The following GRID1 variants were observed in gnomAD, a reference collection of about 807,000 sequenced individuals.
GRID1 encodes glutamate receptor ionotropic, delta-1.
GRID1 carries 28 observed loss-of-function variants against 98.0 expected under a neutral mutation model. The observed-to-expected ratio is 0.29, with a 90% CI of 0.21 to 0.39. The LOEUF (loss-of-function observed/expected upper bound fraction) is 0.39, where lower values mean the gene tolerates loss of function less well. Among genes scored for constraint, GRID1 ranks in the 10% least tolerant of loss-of-function variants. The probability of loss-of-function intolerance (pLI) is 1.00; values close to 1 mark genes in which losing one functional copy is unlikely to be tolerated. For synonymous variants in GRID1, 553 were observed against 538.5 expected (o/e 1.03, Z -0.37); for missense variants, 1,111 against 1,340.5 (o/e 0.83, Z 2.67).
At chr10:86,180,866 T>C (rs1049629622) in intron 3 of GRID1, among the ~76,000 whole-genome samples, 1 of 152,166 alleles carries the variant, frequency 6.6e-6, no homozygotes, top group Non-Finnish European at 1.5e-5. Context: ...GGGAGACCAG[T>C]GCCAGACCAG....
chr10:86,283,991 A>G (rs1310686894), intron 2 of GRID1, among the ~76,000 whole-genome samples: 2 of 130,262 alleles, frequency 1.5e-5, no homozygotes, highest in Non-Finnish European at 3.3e-5. Flanking sequence ...CACACACACC[A>G]GCCCATACAC....
chr10:85,754,785 T>G (rs936038075), intron 8 of GRID1, among the ~76,000 whole-genome samples: 12 of 152,194 alleles, frequency 7.9e-5, no homozygotes, highest in African/African-American at 2.7e-4. Context: ...TTCCTCCCCT[T>G]GCAGACTGTG....
chr10:85,702,501 T>C (rs746967296), intron 12 of GRID1, among the ~76,000 whole-genome samples: 4 of 151,992 alleles, frequency 2.6e-5, no homozygotes, highest in Admixed American at 6.6e-5. Flanking sequence ...GGGATATAAA[T>C]AATAAGGAAA....
At position 86,236,846 on chromosome 10, in the gene GRID1, G is replaced by A. The variant is rs58139486; in HGVS notation, c.236-30198C>T. On this transcript the variant is annotated intron_variant, in intron 2 of 15. Coordinates refer to ENST00000327946, the MANE Select transcript of GRID1 (RefSeq NM_017551.3). Reference sequence around the variant, plus strand: ...GGAAGGGCTACACGCCTGACCCAGCGAGTGTGGCCAGGCCTGGCTCTCAGG... The same window carrying A: ...GGAAGGGCTACACGCCTGACCCAGCAAGTGTGGCCAGGCCTGGCTCTCAGG... 5.1e-3 allele frequency among the ~76,000 whole-genome samples: 783 copies of A among 152,332 alleles called. 7 individuals carry two copies. The highest frequency in any genetic ancestry group is 0.017 in the East Asian group (90 of 5,186).
chr10:86,126,496 G>C (rs1320907251), intron 4 of GRID1, among the ~76,000 whole-genome samples: 1 of 152,112 alleles, frequency 6.6e-6, no homozygotes, highest in East Asian at 1.9e-4. Context: ...GGAACTCCTA[G>C]GACCACTGTG....
intron 4 of GRID1, among the ~76,000 whole-genome samples, chr10:85,968,900 G>A (rs768732775): frequency 2.6e-5 from 4 of 152,064 alleles, no homozygotes; most frequent in Non-Finnish European, 2.9e-5. Flanking sequence ...AAGGCAGAAC[G>A]ACAGAGTGAA....
intron 8 of GRID1, among the ~76,000 whole-genome samples, chr10:85,738,049 A>G (rs1040080424): frequency 1.5e-4 from 23 of 152,248 alleles, no homozygotes; most frequent in Admixed American, 1.1e-3. Context: ...GGGAGGCCAC[A>G]TCTACTCATC....
intron 12 of GRID1, among the ~76,000 whole-genome samples, chr10:85,691,658 C>T (rs553904431): frequency 2.0e-4 from 31 of 152,292 alleles, no homozygotes; most frequent in Non-Finnish European, 2.8e-4. Context: ...CCTTCTAGTT[C>T]GCATCTATTA....
chr10:86,240,790 T>C lies in GRID1; in HGVS notation c.236-34142A>G, dbSNP rs549169121. ...GGCTTTCCAGCCATGGCATCAATGC[T>C]GCCGCCAAGCAGTGGCTCACTGGTG... On this transcript the variant is annotated intron_variant, in intron 2 of 15. Transcript: ENST00000327946. 2.0e-5 allele frequency among the ~76,000 whole-genome samples: 3 copies of C among 152,332 alleles called. No homozygotes were observed. The South Asian group carries it at 6.2e-4, about 32-fold the overall frequency.
At chr10:85,718,822 C>CA (rs756714827) in intron 12 of GRID1, among the ~76,000 whole-genome samples, 1 of 152,228 alleles carries the variant, frequency 6.6e-6, no homozygotes, top group Non-Finnish European at 1.5e-5. Context: ...TGGGGATTAA[C>CA]AGTAGGCTCC....
At chr10:86,122,724 T>C (rs1844694404) in intron 4 of GRID1, among the ~76,000 whole-genome samples, 2 of 152,272 alleles carry the variant, frequency 1.3e-5, no homozygotes, top group Non-Finnish European at 2.9e-5. Flanking sequence ...ATTTCACAGA[T>C]AAATTTATTT....
At chr10:85,840,854 A>G (rs866369919) in intron 8 of GRID1, among the ~76,000 whole-genome samples, 2 of 151,934 alleles carry the variant, frequency 1.3e-5, no homozygotes, top group African/African-American at 2.4e-5. Flanking sequence ...TTAACAAATG[A>G]AAAAAACATT....
At chr10:85,849,395 T>C (rs1464108049) in intron 8 of GRID1, among the ~76,000 whole-genome samples, 4 of 152,246 alleles carry the variant, frequency 2.6e-5, no homozygotes, top group East Asian at 1.9e-4. Flanking sequence ...AGAATCAAAA[T>C]TGACAGAGAA....
intron 2 of GRID1, among the ~76,000 whole-genome samples, chr10:86,216,197 G>C (rs1846174911): frequency 6.6e-6 from 1 of 152,170 alleles, no homozygotes; most frequent in Non-Finnish European, 1.5e-5. Flanking sequence ...CACTTCTATT[G>C]CATATATATC....
chr10:85,881,150 C>T (rs1440362670), intron 5 of GRID1, among the ~76,000 whole-genome samples: 2 of 152,174 alleles, frequency 1.3e-5, no homozygotes, highest in Admixed American at 1.3e-4. Context: ...AAGAACATTC[C>T]ATGCTCATGG....
rs550462510 is a variant in GRID1 at position 85,977,290 on chromosome 10, C to T, written c.727-61051G>A. Among the ~76,000 whole-genome samples, 7 of 152,256 alleles carry T rather than the reference C, an allele frequency of 4.6e-5. No homozygotes were observed. In the South Asian group the frequency reaches 1.4e-3, roughly 32 times the overall value. The stretch of plus-strand genomic sequence containing the variant: ...GCCTATTGTGGCCAAAGTGTAAATG[C>T]TGGAGGTAGCACAGAATCTGTCCCA... On this transcript the variant is annotated intron_variant, in intron 4 of 15. Transcript: ENST00000327946.
chr10:85,778,391 C>T (rs1359447798), intron 8 of GRID1, among the ~76,000 whole-genome samples: 1 of 152,192 alleles, frequency 6.6e-6, no homozygotes, highest in Non-Finnish European at 1.5e-5. Context: ...TGAAGTGTCA[C>T]TGGGAATGAA....
intron 4 of GRID1, among the ~76,000 whole-genome samples, chr10:86,027,063 G>A (rs752298513): frequency 1.3e-5 from 2 of 152,204 alleles, no homozygotes; most frequent in Non-Finnish European, 2.9e-5. Flanking sequence ...GGGTCTCCTG[G>A]AGTAAAATCC....
intron 4 of GRID1, among the ~76,000 whole-genome samples, chr10:86,056,750 T>C (rs1313750244): frequency 6.6e-6 from 1 of 152,220 alleles, no homozygotes; most frequent in Non-Finnish European, 1.5e-5. Context: ...TGGTGGATCT[T>C]ATAGCAGAGA....
Sources: allele counts gnomAD v4.1 joint callset (sites outside exome capture counted in the v4.1 genomes callset), GRCh38; gene constraint gnomAD v4.1.1; transcripts MANE v1.5; gene names NCBI Gene and HGNC (gene_info 2026-07-23, HGNC 2026-07-21).